Variants in MS4A6A observed in about 807,000 individuals in gnomAD.
MS4A6A encodes the protein membrane-spanning 4-domains subfamily A member 6A.
MS4A6A carries 19 observed loss-of-function variants against 20.6 expected under a neutral mutation model. The ratio of observed to expected loss-of-function variants is 0.92; its 90% CI spans 0.64 to 1.36. The LOEUF (loss-of-function observed/expected upper bound fraction) is 1.36, where lower values mean the gene tolerates loss of function less well. Ranked by LOEUF, MS4A6A falls within the 40% of genes most tolerant of loss-of-function variation. The probability of loss-of-function intolerance (pLI) is 0.00; values close to 1 mark genes in which losing one functional copy is unlikely to be tolerated. For missense variants in MS4A6A, 272 were observed against 261.1 expected (o/e 1.04, Z -0.29); for synonymous variants, 108 against 105.0 (o/e 1.03, Z -0.17).
rs764342550 is a variant in MS4A6A, at chr11:60,178,036, A to C, written c.339+224T>G. The C allele has an allele frequency of 7.5e-6, 4 of 534,214 alleles. 1 individual carries two copies. The East Asian group carries it at 1.3e-4, about 17-fold the overall frequency. 33.1% of individuals were successfully genotyped at this position (534,214 alleles called of 1,614,324 possible). A position where few individuals can be genotyped will look rare whatever the true frequency, so the allele number is the denominator to read the frequency against. Reference sequence around the variant, plus strand: ...ATTCTTCGGCATGGGCAGAGGGAATATTATAATCCCCTGAATGCAGACTTT... The same window carrying C: ...ATTCTTCGGCATGGGCAGAGGGAATCTTATAATCCCCTGAATGCAGACTTT... On this transcript the variant is annotated intron_variant, in intron 4 of 5. Coordinates refer to ENST00000528851, the MANE Select transcript of MS4A6A (RefSeq NM_022349.4).
At chr11:60,181,940 TATAG>T (rs2134814389) in intron 1 of MS4A6A, among the ~76,000 whole-genome samples, 199 bp from the exon 2 acceptor site, 1 of 152,290 alleles carries the variant, frequency 6.6e-6, no homozygotes, top group African/African-American at 2.4e-5. Context: ...CACAGTCCAT[TATAG>T]ATAATAAACA....
intron 5 of MS4A6A, 98 bp from the exon 6 acceptor site, chr11:60,173,227 A>G: frequency 9.7e-7 from 1 of 1,035,790 alleles, no homozygotes; most frequent in Non-Finnish European, 1.5e-6. Flanking sequence ...CACCTCAACC[A>G]TTAGAGAATG....
intron 3 of MS4A6A, 55 bp from the exon 4 acceptor site, chr11:60,178,371 C>A: frequency 7.1e-7 from 1 of 1,406,964 alleles, no homozygotes; most frequent in South Asian, 1.2e-5. Flanking sequence ...GTACCTTCGA[C>A]GTCACTATCA....
upstream of MS4A6A, chr11:60,183,877 C>T (rs1346470926): frequency 1.3e-5 from 2 of 152,278 alleles, no homozygotes; most frequent in African/African-American, 4.8e-5. Flanking sequence ...ATTCAGTAAA[C>T]TCATATGCAG....
intron 5 of MS4A6A, among the ~76,000 whole-genome samples, chr11:60,174,920 C>T (rs1856760391): frequency 6.6e-6 from 1 of 151,906 alleles, no homozygotes; most frequent in Non-Finnish European, 1.5e-5. Flanking sequence ...AAGAAGAAGC[C>T]CTTATCTTCT....
chr11:60,173,108 T>C lies in MS4A6A; in HGVS notation c.571A>G (p.Ile191Val), dbSNP rs1412785387. 3 of 1,613,934 alleles carry C rather than the reference T, an allele frequency of 1.9e-6. No individual in the cohort carries two copies. Among genetic ancestry groups the C allele is most frequent in the East Asian group, 2.2e-5 (1 of 44,870 alleles). Residue 191 changes from isoleucine (I) to valine (V), a missense_variant, in exon 6 of 6, where the codon ATT becomes GTT. Transcript: ENST00000528851. The part of the protein sequence containing the change: ...SLAGTLSLML[I>V]CTLLEFCLAV... ...AGGCAGAATTCCAGCAGAGTGCAAA[T>C]CAGCATCAGAGAGAGAGTTCCCTGA... is the stretch of plus-strand genomic sequence containing the variant.
chr11:60,178,406 G>T (rs930820282), intron 3 of MS4A6A, 90 bp from the exon 4 acceptor site: 42 of 1,038,824 alleles, frequency 4.0e-5, no homozygotes, highest in Middle Eastern at 2.1e-4. Flanking sequence ...AACTCTCATG[G>T]GAAAATCCCT....
chr11:60,179,542 A>T (rs2134795847), intron 3 of MS4A6A: 6 of 559,136 alleles, frequency 1.1e-5, no homozygotes, highest in South Asian at 4.7e-5. Context: ...TAATTCATGG[A>T]TTTTTTTTTC....
At chr11:60,179,798 C>A in intron 3 of MS4A6A, 33 bp downstream of exon 3, 2 of 1,613,414 alleles carry the variant, frequency 1.2e-6, no homozygotes, top group South Asian at 1.1e-5. Context: ...CCCCTCTTTG[C>A]CCCATCCTGC....
intron 3 of MS4A6A, 115 bp from the exon 4 acceptor site, chr11:60,178,431 C>T (rs1414185330): frequency 1.3e-6 from 1 of 770,420 alleles, no homozygotes; most frequent in Non-Finnish European, 2.2e-6. Context: ...AACCAGTGAT[C>T]AATGAGGTAA....
rs1856666806 is a variant in MS4A6A, at chr11:60,173,129, C to T, written c.550G>A (p.Gly184Arg). Reference sequence around the variant, plus strand: ...CAAATCAGCATCAGAGAGAGAGTTCCCTGAAAGTCAAGAAATAAAAGATTG... The same window carrying T: ...CAAATCAGCATCAGAGAGAGAGTTCTCTGAAAGTCAAGAAATAAAAGATTG... ...DCYTAKASLA[G>R]TLSLMLICTL... Residue 184 changes from glycine (G) to arginine (R), a missense_variant and splice_region_variant, in exon 6 of 6, where the codon GGA becomes AGA. By Grantham distance (125) the Gly-to-Arg change is moderately radical. Coordinates refer to ENST00000528851, the MANE Select transcript of MS4A6A (RefSeq NM_022349.4). 1.2e-6 allele frequency: 2 copies of T among 1,612,814 alleles called. No homozygotes were observed. The highest frequency in any genetic ancestry group is 1.1e-5 in the South Asian group (1 of 91,036).
At chr11:60,182,885 A>G in intron 1 of MS4A6A, 93 bp downstream of exon 1, 1 of 620,910 alleles carries the variant, frequency 1.6e-6, no homozygotes, top group East Asian at 4.7e-5. Flanking sequence ...GTGTCTCTTA[A>G]CTGCTGTCAA....
chr11:60,180,063 G>T, intron 2 of MS4A6A, 98 bp from the exon 3 acceptor site: 1 of 1,207,312 alleles, frequency 8.3e-7, no homozygotes, highest in Non-Finnish European at 1.2e-6. Flanking sequence ...ATCGCCTTCT[G>T]CAAGATCCTA....
chr11:60,184,390 G>A (rs991733062), upstream of MS4A6A: 2 of 152,142 alleles, frequency 1.3e-5, no homozygotes, highest in Non-Finnish European at 2.9e-5. Context: ...CTGCATCTTT[G>A]TCACCCTCAC....
intron 2 of MS4A6A, 137 bp from the exon 3 acceptor site, chr11:60,180,102 G>T: frequency 1.2e-6 from 1 of 852,160 alleles, no homozygotes; most frequent in Non-Finnish European, 1.8e-6. Flanking sequence ...TGGAAACTCT[G>T]GAGTGAGAAA....
At chr11:60,174,014 C>G (rs1856712367) in intron 5 of MS4A6A, among the ~76,000 whole-genome samples, 1 of 152,174 alleles carries the variant, frequency 6.6e-6, no homozygotes, top group Non-Finnish European at 1.5e-5. Context: ...TCTCTTATTT[C>G]CAATGTAAAA....
At chr11:60,179,793 C>T (rs751125562) in intron 3 of MS4A6A, 38 bp downstream of exon 3, 5 of 1,613,454 alleles carry the variant, frequency 3.1e-6, no homozygotes, top group African/African-American at 1.3e-5. Context: ...TTCCTCCCCT[C>T]TTTGCCCCAT....
intron 4 of MS4A6A, chr11:60,177,121 CATCATCATAGAAAGTTACATTTCATTTCT>C (rs1160974300): frequency 8.5e-5 from 13 of 152,260 alleles, no homozygotes; most frequent in Admixed American, 7.2e-4. Context: ...AGTGCATTTC[CATCATCATAGAAAGTTACATTTCATTTCT>C]ATCATCATAG....
chr11:60,175,823 A>G (rs1480572960), intron 4 of MS4A6A, among the ~76,000 whole-genome samples: 1 of 152,202 alleles, frequency 6.6e-6, no homozygotes, highest in African/African-American at 2.4e-5. Flanking sequence ...GAACTGGTTC[A>G]CCTTAAGCAG....
Sources: allele counts gnomAD v4.1 joint callset (sites outside exome capture counted in the v4.1 genomes callset), GRCh38; gene constraint gnomAD v4.1.1; transcripts MANE v1.5; gene names NCBI Gene and HGNC (gene_info 2026-07-23, HGNC 2026-07-21).